Variants in PGM5 observed in about 807,000 individuals in gnomAD.
The protein encoded by PGM5 is phosphoglucomutase-like protein 5.
Under a neutral mutation model 59.2 loss-of-function variants are expected in PGM5, and 23 were observed. The observed-to-expected ratio is 0.39, with a 90% CI of 0.28 to 0.55. The LOEUF is 0.55. PGM5 is among the 20% of genes least tolerant of loss of function. The probability of loss-of-function intolerance (pLI) is 0.66; values close to 1 mark genes in which losing one functional copy is unlikely to be tolerated. For missense variants in PGM5, 574 were observed against 748.3 expected (o/e 0.77, Z 2.72); for synonymous variants, 214 against 286.0 (o/e 0.75, Z 2.54).
chr9:68,408,910 G>A (rs1195414648), intron 6 of PGM5, among the ~76,000 whole-genome samples: 2 of 151,970 alleles, frequency 1.3e-5, no homozygotes, highest in African/African-American at 2.4e-5. Flanking sequence ...ATTTCTGAGG[G>A]CTCTGTTCTG....
At chr9:68,453,501 G>A (rs1476484160) in intron 6 of PGM5, among the ~76,000 whole-genome samples, 6 of 151,880 alleles carry the variant, frequency 4.0e-5, no homozygotes, top group African/African-American at 1.5e-4. Flanking sequence ...ACCACAGCTG[G>A]CTAATTTTAG....
intron 6 of PGM5, among the ~76,000 whole-genome samples, chr9:68,448,397 C>T (rs1396533457): frequency 6.6e-6 from 1 of 152,166 alleles, no homozygotes; most frequent in African/African-American, 2.4e-5. Flanking sequence ...ACCCCTGCAC[C>T]TTCATGCACA....
chr9:68,408,874 T>A (rs1554681387), intron 6 of PGM5, among the ~76,000 whole-genome samples: 1 of 151,998 alleles, frequency 6.6e-6, no homozygotes, highest in Non-Finnish European at 1.5e-5. Flanking sequence ...TTGTCAAAGA[T>A]CAGATAGTTG....
At chr9:68,384,051 C>T (rs11140670) in intron 2 of PGM5, among the ~76,000 whole-genome samples, 2 of 152,002 alleles carry the variant, frequency 1.3e-5, no homozygotes, top group African/African-American at 2.4e-5. Context: ...AATGCATATC[C>T]TGTTTGTGTC....
At chr9:68,459,665 G>A (rs546882771) in intron 6 of PGM5, among the ~76,000 whole-genome samples, 1 of 152,162 alleles carries the variant, frequency 6.6e-6, no homozygotes, top group East Asian at 1.9e-4. Flanking sequence ...ACCAGCACTT[G>A]GCCGTACCAC....
At chr9:68,416,071 G>A (rs1319787870) in intron 6 of PGM5, among the ~76,000 whole-genome samples, 3 of 152,182 alleles carry the variant, frequency 2.0e-5, no homozygotes, top group Non-Finnish European at 4.4e-5. Context: ...ATTGCTATCA[G>A]ATCTGAGATA....
At chr9:68,525,303 A>G (rs979853700) in intron 10 of PGM5, among the ~76,000 whole-genome samples, 2 of 152,208 alleles carry the variant, frequency 1.3e-5, no homozygotes, top group Non-Finnish European at 2.9e-5. Context: ...TGTATTGAGT[A>G]TCTCCTAAGC....
rs370457055 is a variant in PGM5 at position 68,458,176 on chromosome 9, A to AT, written c.1044-6907dup. Reference sequence around the variant, plus strand: ...GAACCTGTGGTAGTTTCAATTTTACATTTTTTTTTTCTTGGATCTTTGGTC... The same window carrying AT: ...GAACCTGTGGTAGTTTCAATTTTACATTTTTTTTTTTCTTGGATCTTTGGTC... On this transcript the variant is annotated intron_variant, in intron 6 of 10. Transcript: ENST00000396396. Among the ~76,000 whole-genome samples the AT allele has an allele frequency of 3.7e-4, 56 of 150,240 alleles. 1 individual carries two copies. The South Asian group carries it at 7.8e-3, about 21-fold the overall frequency.
At chr9:68,383,262 A>G (rs1454156850) in intron 2 of PGM5, among the ~76,000 whole-genome samples, 1 of 152,112 alleles carries the variant, frequency 6.6e-6, no homozygotes, top group East Asian at 1.9e-4. Flanking sequence ...TGTGAGTCAC[A>G]TACATACTTT....
chr9:68,362,172 G>T (rs1299817467), intron 1 of PGM5, among the ~76,000 whole-genome samples: 22 of 150,344 alleles, frequency 1.5e-4, no homozygotes, highest in Non-Finnish European at 1.5e-4. Flanking sequence ...TCACAACTGG[G>T]TTATTTGGCT....
intron 7 of PGM5, 55 bp downstream of exon 7, chr9:68,465,263 C>A: frequency 8.6e-7 from 1 of 1,163,302 alleles, no homozygotes; most frequent in Non-Finnish European, 1.3e-6. Flanking sequence ...CTTTTGTGAT[C>A]TCAGTTTGGA....
intron 10 of PGM5, among the ~76,000 whole-genome samples, chr9:68,524,034 A>G (rs973945431): frequency 6.6e-5 from 10 of 152,128 alleles, no homozygotes; most frequent in Admixed American, 1.3e-4. Flanking sequence ...GTGGATTATA[A>G]CAATGACATA....
intron 6 of PGM5, among the ~76,000 whole-genome samples, chr9:68,453,513 ATT>A (rs1180876363): frequency 1.3e-5 from 2 of 151,634 alleles, no homozygotes; most frequent in Non-Finnish European, 2.9e-5. Context: ...TAATTTTAGT[ATT>A]TTTTCTTTTT....
At chr9:68,444,865 G>T (rs1039450238) in intron 6 of PGM5, among the ~76,000 whole-genome samples, 1 of 152,158 alleles carries the variant, frequency 6.6e-6, no homozygotes, top group Non-Finnish European at 1.5e-5. Flanking sequence ...GGAAAAGGTG[G>T]TGGGTATTAT....
At chr9:68,453,402 A>G (rs1823727353) in intron 6 of PGM5, among the ~76,000 whole-genome samples, 1 of 152,140 alleles carries the variant, frequency 6.6e-6, no homozygotes, top group Admixed American at 6.6e-5. Flanking sequence ...ACAGTGGCAT[A>G]ATTATAGCTA....
In PGM5 at chr9:68,376,861, C is replaced by T. The variant is rs1417691012; in HGVS notation, c.262-1338C>T. The stretch of plus-strand genomic sequence containing the variant: ...TTTCTTTCTTTCTTTCTCTTTCTTT[C>T]TTTTTTCTTTCTCTTTCTTTCTTTT... On this transcript the variant is annotated intron_variant, in intron 1 of 10. Transcript: ENST00000396396. 4.0e-3 allele frequency among the ~76,000 whole-genome samples: 282 copies of T among 71,080 alleles called. 22 individuals carry two copies. The highest frequency in any genetic ancestry group is 0.015 in the African/African-American group (270 of 17,764). The allele number at this position is 71,080 out of a possible 152,430, so 46.6% of individuals were successfully genotyped here.
chr9:68,417,188 A>C (rs1368597721), intron 6 of PGM5, among the ~76,000 whole-genome samples: 2 of 152,200 alleles, frequency 1.3e-5, no homozygotes, highest in Non-Finnish European at 2.9e-5. Context: ...AGTAGGCACA[A>C]TTTTTAAGTT....
rs1333769391 is a variant in PGM5, at chr9:68,529,812, A to C, written c.*156A>C. On this transcript the variant is annotated 3_prime_UTR_variant, in exon 11 of 11. Coordinates refer to ENST00000396396, the MANE Select transcript of PGM5 (RefSeq NM_021965.4). The stretch of plus-strand genomic sequence containing the variant: ...AGAGGGTGGGTGGGAAAAGAAAAAA[A>C]ATCCATTTGGTTTTGGTTTTGTCCT... The C allele has an allele frequency of 5.5e-6, 3 of 544,938 alleles. No individual in the cohort carries two copies. The highest frequency in any genetic ancestry group is 9.7e-6 in the Non-Finnish European group (3 of 310,576). The allele number at this position is 544,938 out of a possible 1,614,324, so 33.8% of individuals were successfully genotyped here.
intron 1 of PGM5, among the ~76,000 whole-genome samples, chr9:68,376,273 A>G (rs1554677628): frequency 6.6e-6 from 1 of 152,084 alleles, no homozygotes; most frequent in African/African-American, 2.4e-5. Flanking sequence ...TCCCTTAGCT[A>G]TTATTATTAT....
Sources: allele counts gnomAD v4.1 joint callset (sites outside exome capture counted in the v4.1 genomes callset), GRCh38; gene constraint gnomAD v4.1.1; transcripts MANE v1.5; gene names NCBI Gene and HGNC (gene_info 2026-07-23, HGNC 2026-07-21).